Variants in ITGBL1 observed in about 807,000 individuals in gnomAD.
The protein encoded by ITGBL1 is integrin beta-like protein 1.
ITGBL1 carries 51 observed loss-of-function variants against 68.5 expected under a neutral mutation model. That is an observed-to-expected ratio of 0.74 (90% confidence interval 0.59 to 0.94). The LOEUF is 0.94. ITGBL1 is among the 40% of genes least tolerant of loss of function. The pLI, the probability that ITGBL1 is intolerant of heterozygous loss-of-function variation, is 0.00. For missense variants in ITGBL1, 649 were observed against 647.4 expected (o/e 1.00, Z -0.03); for synonymous variants, 209 against 227.3 (o/e 0.92, Z 0.72).
intron 7 of ITGBL1, among the ~76,000 whole-genome samples, chr13:101,638,058 C>T (rs3916913): frequency 0.57 from 85,938 of 151,964 alleles, 24,945 homozygotes; most frequent in African/African-American, 0.68. Context: ...GAAGGATCTG[C>T]TATAAAATAT....
chr13:101,602,630 G>C (rs1369765859), intron 7 of ITGBL1, among the ~76,000 whole-genome samples: 1 of 151,636 alleles, frequency 6.6e-6, no homozygotes, highest in Non-Finnish European at 1.5e-5. Context: ...TCAGTATTTT[G>C]ATATATTAAC....
chr13:101,684,284 A>G (rs965671553), intron 7 of ITGBL1, among the ~76,000 whole-genome samples: 1 of 151,880 alleles, frequency 6.6e-6, no homozygotes, highest in Non-Finnish European at 1.5e-5. Flanking sequence ...CCTGATATCT[A>G]TTTCAAAAGG....
intron 7 of ITGBL1, among the ~76,000 whole-genome samples, chr13:101,600,881 A>T (rs1316009801): frequency 6.6e-6 from 1 of 152,106 alleles, no homozygotes; most frequent in Non-Finnish European, 1.5e-5. Context: ...TTCATCAGGG[A>T]TATTGGTCTA....
chr13:101,492,755 G>A (rs1047156638), intron 2 of ITGBL1, among the ~76,000 whole-genome samples: 4 of 152,182 alleles, frequency 2.6e-5, no homozygotes, highest in Non-Finnish European at 4.4e-5. Flanking sequence ...ATAAATGGTA[G>A]CTACCAGAGG....
intron 7 of ITGBL1, among the ~76,000 whole-genome samples, chr13:101,654,421 A>T (rs566412598): frequency 6.6e-6 from 1 of 152,314 alleles, no homozygotes; most frequent in South Asian, 2.1e-4. Flanking sequence ...CAGGTAGAAG[A>T]TGATGGTGGC....
intron 6 of ITGBL1, among the ~76,000 whole-genome samples, chr13:101,589,573 A>G (rs577601091): frequency 2.5e-4 from 38 of 152,330 alleles, no homozygotes; most frequent in African/African-American, 8.7e-4. Flanking sequence ...GAGGAGGAAC[A>G]TTGGCCATCT....
chr13:101,523,604 C>T (rs1037706450), intron 2 of ITGBL1, among the ~76,000 whole-genome samples: 1 of 152,124 alleles, frequency 6.6e-6, no homozygotes, highest in African/African-American at 2.4e-5. Flanking sequence ...AGATGACTTC[C>T]AAAACGTCAA....
intron 7 of ITGBL1, among the ~76,000 whole-genome samples, chr13:101,618,925 A>C (rs892863402): frequency 1.3e-5 from 2 of 152,134 alleles, no homozygotes; most frequent in African/African-American, 2.4e-5. Flanking sequence ...TGAACCAATC[A>C]CTGATGATAG....
intron 7 of ITGBL1, among the ~76,000 whole-genome samples, chr13:101,653,932 G>C (rs542063440): frequency 1.4e-5 from 2 of 145,300 alleles, no homozygotes; most frequent in African/African-American, 5.1e-5. Flanking sequence ...GGATGGTCTC[G>C]ATCTCTTGAC....
At chr13:101,549,792 G>T (rs1053842330) in intron 2 of ITGBL1, among the ~76,000 whole-genome samples, 1 of 151,834 alleles carries the variant, frequency 6.6e-6, no homozygotes, top group Non-Finnish European at 1.5e-5. Context: ...TTATGTGTTG[G>T]TAAGTGTATT....
chr13:101,490,170 A>G (rs1277728968), intron 2 of ITGBL1, among the ~76,000 whole-genome samples: 1 of 152,070 alleles, frequency 6.6e-6, no homozygotes, highest in African/African-American at 2.4e-5. Context: ...GGGCCCCATA[A>G]TGGGATCAGT....
intron 2 of ITGBL1, among the ~76,000 whole-genome samples, chr13:101,545,981 T>C (rs1021059514): frequency 6.6e-6 from 1 of 152,182 alleles, no homozygotes. Flanking sequence ...TACAATGAAC[T>C]ATATCAAGGT....
rs545634609 is a variant in ITGBL1 at position 101,644,312 on chromosome 13, C to T, written c.1015+46013C>T. 2.6e-5 allele frequency among the ~76,000 whole-genome samples: 4 copies of T among 152,240 alleles called. No individual in the cohort carries two copies. The South Asian group carries it at 8.3e-4, about 32-fold the overall frequency. On this transcript the variant is annotated intron_variant, in intron 7 of 10. Transcript: ENST00000376180. ...TATGTATAAAGTAGAGGGAGATGGT[C>T]AGGCTCAATTTTATCCTTTTCATTG... is the stretch of plus-strand genomic sequence containing the variant.
chr13:101,714,790 C>A, intron 10 of ITGBL1: 1 of 510,552 alleles, frequency 2.0e-6, no homozygotes. Context: ...GATCCTTCCA[C>A]AAAGTAACCT....
intron 2 of ITGBL1, among the ~76,000 whole-genome samples, chr13:101,560,915 C>T (rs1311271370): frequency 2.0e-5 from 3 of 152,118 alleles, no homozygotes; most frequent in African/African-American, 7.2e-5. Context: ...TTGGTTTCCA[C>T]TTAGGGATGT....
chr13:101,477,288 A>T (rs9557667), intron 2 of ITGBL1, among the ~76,000 whole-genome samples: 5 of 151,900 alleles, frequency 3.3e-5, no homozygotes, highest in Non-Finnish European at 7.4e-5. Flanking sequence ...AAAATTTCTT[A>T]AAACAAATGG....
chr13:101,625,693 C>G (rs2031746969), intron 7 of ITGBL1, among the ~76,000 whole-genome samples: 2 of 152,006 alleles, frequency 1.3e-5, no homozygotes, highest in African/African-American at 2.4e-5. Context: ...GCTGGGAATA[C>G]AGGAGCCTGC....
At chr13:101,508,610 A>G (rs1298914798) in intron 2 of ITGBL1, among the ~76,000 whole-genome samples, 4 of 152,106 alleles carry the variant, frequency 2.6e-5, no homozygotes, top group African/African-American at 9.7e-5. Flanking sequence ...TTTTCTGATA[A>G]ATATTAAGTT....
chr13:101,650,137 C>T (rs904916546), intron 7 of ITGBL1, among the ~76,000 whole-genome samples: 2 of 152,170 alleles, frequency 1.3e-5, no homozygotes, highest in Non-Finnish European at 2.9e-5. Context: ...TCAGCTTTCT[C>T]ATCAGATTCT....
Sources: gnomAD v4.1 joint callset for allele counts (sites outside exome capture counted in the v4.1 genomes callset) on GRCh38, gnomAD v4.1.1 for gene constraint, MANE v1.5 for transcripts, NCBI Gene and HGNC (gene_info 2026-07-23, HGNC 2026-07-21) for gene names.